SV2C: variants seen among roughly 807,000 people sequenced by gnomAD.
SV2C encodes solute carrier family 22 member B3.
A neutral mutation model predicts 79.7 loss-of-function variants in SV2C; 49 were observed. That is an observed-to-expected ratio of 0.61 (90% confidence interval 0.49 to 0.78). The LOEUF (loss-of-function observed/expected upper bound fraction) is 0.78, where lower values mean the gene tolerates loss of function less well. Ranked by LOEUF, SV2C falls within the 30% of genes least tolerant of loss-of-function variation. The pLI is 0.00. For missense variants in SV2C, 833 were observed against 912.9 expected (o/e 0.91, Z 1.13); for synonymous variants, 334 against 333.2 (o/e 1.00, Z -0.03).
the SV2C span, among the ~76,000 whole-genome samples, chr5:75,915,902 A>G: frequency 1.3e-5 from 2 of 152,164 alleles, no homozygotes; most frequent in Admixed American, 6.5e-5. Context: ...GAGAATGAAT[A>G]TAATTCTTGG....
intron 4 of SV2C, among the ~76,000 whole-genome samples, chr5:76,222,943 G>A (rs12516836): frequency 0.29 from 43,871 of 151,954 alleles, 6,367 homozygotes; most frequent in African/African-American, 0.32. Context: ...TTTGATCCTT[G>A]TTTCTTCAAA....
chr5:76,125,139 A>G (rs1343674532), intron 1 of SV2C, among the ~76,000 whole-genome samples: 2 of 152,206 alleles, frequency 1.3e-5, no homozygotes, highest in African/African-American at 2.4e-5. Context: ...ATGAACGTTA[A>G]TATACTTAAA....
At chr5:76,009,119 A>T in the SV2C span, among the ~76,000 whole-genome samples, 5 of 152,182 alleles carry the variant, frequency 3.3e-5, no homozygotes, top group Non-Finnish European at 7.4e-5. Flanking sequence ...TGCTATTTCT[A>T]TTAAGACTTA....
At chr5:75,855,807 G>A in the SV2C span, among the ~76,000 whole-genome samples, 1 of 152,064 alleles carries the variant, frequency 6.6e-6, no homozygotes, top group Non-Finnish European at 1.5e-5. Context: ...AAATGATCCA[G>A]TTATACTCTT....
At chr5:76,060,836 C>T in the SV2C span, among the ~76,000 whole-genome samples, 7 of 152,046 alleles carry the variant, frequency 4.6e-5, no homozygotes, top group East Asian at 1.9e-4. Context: ...GCCTTCCTCA[C>T]GAAGCTTATT....
the SV2C span, among the ~76,000 whole-genome samples, chr5:75,973,535 A>C: frequency 2.8e-3 from 423 of 151,678 alleles, 5 homozygotes; most frequent in African/African-American, 9.4e-3. Flanking sequence ...AAAAGTAAAG[A>C]AATGTGTTTT....
At chr5:75,976,578 C>G in the SV2C span, among the ~76,000 whole-genome samples, 1 of 151,928 alleles carries the variant, frequency 6.6e-6, no homozygotes, top group Non-Finnish European at 1.5e-5. Flanking sequence ...AGAGCTTGTA[C>G]AATGAAAAGC....
chr5:76,146,743 G>A (rs1749434940), intron 2 of SV2C, among the ~76,000 whole-genome samples: 1 of 146,196 alleles, frequency 6.8e-6, no homozygotes, highest in Non-Finnish European at 1.5e-5. Context: ...TCTGACATGG[G>A]GGCTAATGAC....
At chr5:75,900,647 C>A in the SV2C span, among the ~76,000 whole-genome samples, 2 of 152,290 alleles carry the variant, frequency 1.3e-5, no homozygotes, top group East Asian at 3.9e-4. Flanking sequence ...TGGATAATAT[C>A]CTGCAGAGTG....
intron 3 of SV2C, among the ~76,000 whole-genome samples, chr5:76,200,021 C>A (rs949177125): frequency 6.6e-6 from 1 of 152,198 alleles, no homozygotes; most frequent in Non-Finnish European, 1.5e-5. Flanking sequence ...AGGAAATAAT[C>A]AGTCTTCTCA....
chr5:76,042,318 C>T, the SV2C span, among the ~76,000 whole-genome samples: 7 of 152,326 alleles, frequency 4.6e-5, no homozygotes, highest in South Asian at 1.4e-3. Context: ...CAGCAAGTTA[C>T]TCAAACTTCC....
chr5:76,012,687 A>G, the SV2C span, among the ~76,000 whole-genome samples: 3 of 152,290 alleles, frequency 2.0e-5, no homozygotes, highest in South Asian at 2.1e-4. Flanking sequence ...GCCCATGCCT[A>G]TGTCCTGAAT....
chr5:76,243,510 C>G (rs1745858857), intron 4 of SV2C, among the ~76,000 whole-genome samples: 1 of 152,086 alleles, frequency 6.6e-6, no homozygotes, highest in East Asian at 1.9e-4. Flanking sequence ...GATGGCTTTT[C>G]CTGGATCTTT....
the SV2C span, among the ~76,000 whole-genome samples, chr5:76,066,620 GA>G: frequency 1.3e-5 from 2 of 149,198 alleles, no homozygotes; most frequent in Non-Finnish European, 3.0e-5. Context: ...AGAAGAAGAA[GA>G]AAAAAAAAGA....
the SV2C span, among the ~76,000 whole-genome samples, chr5:75,991,236 A>G: frequency 6.6e-6 from 1 of 151,920 alleles, no homozygotes; most frequent in Non-Finnish European, 1.5e-5. Flanking sequence ...TTTACTGACA[A>G]TAGGCACATT....
intron 4 of SV2C, among the ~76,000 whole-genome samples, chr5:76,210,720 C>T (rs1744743518): frequency 6.6e-6 from 1 of 152,172 alleles, no homozygotes; most frequent in South Asian, 2.1e-4. Flanking sequence ...CTGAAAGCTC[C>T]AAGCTTATGA....
the SV2C span, among the ~76,000 whole-genome samples, chr5:75,958,353 T>C: frequency 6.6e-6 from 1 of 151,968 alleles, no homozygotes; most frequent in Non-Finnish European, 1.5e-5. Flanking sequence ...TGTTTCTGGA[T>C]GAAACCCTCA....
the SV2C span, among the ~76,000 whole-genome samples, chr5:76,067,088 T>G: frequency 6.6e-6 from 1 of 152,232 alleles, no homozygotes; most frequent in Non-Finnish European, 1.5e-5. Flanking sequence ...AATTAACTAA[T>G]ACATAATTTT....
At chr5:75,921,099 G>A in the SV2C span, 2 of 792,976 alleles carry the variant, frequency 2.5e-6, no homozygotes, top group Non-Finnish European at 4.3e-6. Flanking sequence ...TCCTGGGTGA[G>A]GGCATTGTGC....
Sources: allele counts gnomAD v4.1 joint callset (sites outside exome capture counted in the v4.1 genomes callset), GRCh38; gene constraint gnomAD v4.1.1; transcripts MANE v1.5; gene names NCBI Gene and HGNC (gene_info 2026-07-23, HGNC 2026-07-21).